Variants in SBF2 observed in about 807,000 individuals in gnomAD.
The protein encoded by SBF2 is myotubularin-related protein 13.
Under a neutral mutation model 225.2 loss-of-function variants are expected in SBF2, and 112 were observed. The observed-to-expected ratio is 0.50, with a 90% CI of 0.43 to 0.58. The LOEUF (loss-of-function observed/expected upper bound fraction) is 0.58. SBF2 is among the 20% of genes least tolerant of loss of function. The probability of loss-of-function intolerance (pLI) is 0.00; values close to 1 mark genes in which losing one functional copy is unlikely to be tolerated. For missense variants in SBF2, 1,996 were observed against 2,206.2 expected, an observed-to-expected ratio of 0.90 and a Z score of 1.91; for synonymous variants, 763 against 773.3, an observed-to-expected ratio of 0.99 and a Z score of 0.22.
chr11:10,253,716 T>C (rs1404398994), intron 1 of SBF2, among the ~76,000 whole-genome samples: 1 of 152,162 alleles, frequency 6.6e-6, no homozygotes, highest in Non-Finnish European at 1.5e-5. Context: ...CAGTATAATT[T>C]AGTTTGTCAG....
chr11:9,804,142 CAA>C (rs1853652511), intron 32 of SBF2, among the ~76,000 whole-genome samples: 1 of 151,958 alleles, frequency 6.6e-6, no homozygotes, highest in Non-Finnish European at 1.5e-5. Flanking sequence ...GAAAAACAAA[CAA>C]ACAAAAAAAC....
At chr11:9,848,221 C>G (rs139164787) in intron 22 of SBF2, among the ~76,000 whole-genome samples, 1 of 152,250 alleles carries the variant, frequency 6.6e-6, no homozygotes, top group East Asian at 1.9e-4. Flanking sequence ...TGACTATATT[C>G]TTACATCAAG....
At chr11:10,089,494 G>C (rs1482594742) in intron 2 of SBF2, among the ~76,000 whole-genome samples, 1 of 152,070 alleles carries the variant, frequency 6.6e-6, no homozygotes, top group African/African-American at 2.4e-5. Flanking sequence ...AATTGTTCAA[G>C]TGATGGGTCA....
intron 1 of SBF2, among the ~76,000 whole-genome samples, chr11:10,251,220 T>G (rs1960315116): frequency 6.6e-6 from 1 of 152,196 alleles, no homozygotes; most frequent in African/African-American, 2.4e-5. Context: ...CAAAACTCTC[T>G]TAACCCACAT....
intron 1 of SBF2, among the ~76,000 whole-genome samples, chr11:10,219,468 G>C (rs1428868776): frequency 2.6e-5 from 4 of 152,162 alleles, no homozygotes; most frequent in Admixed American, 2.0e-4. Context: ...CTGCCTTAAA[G>C]GTCTCTGACA....
chr11:10,173,085 A>G (rs745352473), intron 2 of SBF2, among the ~76,000 whole-genome samples: 1 of 152,138 alleles, frequency 6.6e-6, no homozygotes, highest in Non-Finnish European at 1.5e-5. Flanking sequence ...GTTCTATTCT[A>G]TTGTGGTCAG....
At chr11:10,279,978 T>C (rs1483938462) in intron 1 of SBF2, among the ~76,000 whole-genome samples, 2 of 152,234 alleles carry the variant, frequency 1.3e-5, no homozygotes, top group Non-Finnish European at 1.5e-5. Context: ...TGCATCATTA[T>C]AGAACACAGT....
intron 1 of SBF2, among the ~76,000 whole-genome samples, chr11:10,258,152 C>T (rs191242602): frequency 6.6e-6 from 1 of 150,768 alleles, no homozygotes; most frequent in African/African-American, 2.4e-5. Context: ...GTCACCTGGG[C>T]TAGAATGAGT....
intron 17 of SBF2, among the ~76,000 whole-genome samples, chr11:9,869,550 T>C (rs1455890542): frequency 1.3e-5 from 2 of 152,082 alleles, no homozygotes; most frequent in East Asian, 3.9e-4. Flanking sequence ...GTTCAACATA[T>C]GCAGATCAAT....
chr11:10,216,065 A>C (rs1482361623), intron 1 of SBF2, among the ~76,000 whole-genome samples: 4 of 152,180 alleles, frequency 2.6e-5, no homozygotes, highest in Non-Finnish European at 5.9e-5. Context: ...TTAAAGTGTC[A>C]TCTCTTTTTA....
At chr11:9,941,522 A>C (rs1182407869) in intron 16 of SBF2, among the ~76,000 whole-genome samples, 1 of 152,218 alleles carries the variant, frequency 6.6e-6, no homozygotes, top group Non-Finnish European at 1.5e-5. Flanking sequence ...GCCAAGGAGT[A>C]TTTGAGAAAT....
rs116795235 is a variant in SBF2 at position 10,084,157 on chromosome 11, A to C, written c.142-41176T>G. Among the ~76,000 whole-genome samples, 574 of 152,318 alleles carry C rather than the reference A, an allele frequency of 3.8e-3. 3 individuals are homozygous for C. Among genetic ancestry groups the C allele is most frequent in the Middle Eastern group, 0.027 (8 of 294 alleles). On this transcript the variant is annotated intron_variant, in intron 2 of 39. Transcript: ENST00000256190. The stretch of plus-strand genomic sequence containing the variant: ...AGGAATTCAAACTAAGAACAAAACA[A>C]AACAAAAAATTAACCTTATTAAAAA...
At chr11:10,296,684 G>A (rs756014546), upstream of SBF2, among the ~76,000 whole-genome samples, 1 of 152,148 alleles carries the variant, frequency 6.6e-6, no homozygotes, top group African/African-American at 2.4e-5. Context: ...GAATAGTGCT[G>A]CTTCAAACAT....
At chr11:10,072,748 T>C (rs982910191) in intron 2 of SBF2, among the ~76,000 whole-genome samples, 1 of 144,238 alleles carries the variant, frequency 6.9e-6, no homozygotes, top group Non-Finnish European at 1.5e-5. Context: ...TTTTTTTTTT[T>C]GGAGACAGGG....
At chr11:9,828,227 G>T in intron 28 of SBF2, 1 of 1,287,218 alleles carries the variant, frequency 7.8e-7, no homozygotes, top group Non-Finnish European at 1.0e-6. Context: ...AGTCCCTAAA[G>T]TCAGCCAAAA....
intron 16 of SBF2, among the ~76,000 whole-genome samples, chr11:9,910,890 C>CTAAAAAAA: frequency 1.1e-5 from 1 of 93,606 alleles, no homozygotes; most frequent in Non-Finnish European, 2.0e-5. Context: ...TACTAAAATA[C>CTAAAAAAA]AAAAAAAAAA....
At chr11:10,196,290 G>A (rs2135337768) in intron 1 of SBF2, among the ~76,000 whole-genome samples, 1 of 152,242 alleles carries the variant, frequency 6.6e-6, no homozygotes, top group South Asian at 2.1e-4. Flanking sequence ...ATAAATTAAT[G>A]TACTTATTCT....
chr11:9,855,286 C>T (rs1234119805), intron 19 of SBF2, among the ~76,000 whole-genome samples: 1 of 152,072 alleles, frequency 6.6e-6, no homozygotes, highest in African/African-American at 2.4e-5. Context: ...GTTGTCTAGC[C>T]TGGAAGACCA....
chr11:9,834,092 A>T (rs1444282857), intron 26 of SBF2, among the ~76,000 whole-genome samples: 1 of 146,666 alleles, frequency 6.8e-6, no homozygotes, highest in Non-Finnish European at 1.5e-5. Context: ...TATTTATTTT[A>T]TTTTTTATTT....
Sources: allele counts gnomAD v4.1 joint callset (sites outside exome capture counted in the v4.1 genomes callset), GRCh38; gene constraint gnomAD v4.1.1; transcripts MANE v1.5; gene names NCBI Gene and HGNC (gene_info 2026-07-23, HGNC 2026-07-21).